Variants in CECR2 observed in about 807,000 individuals in gnomAD.
CECR2 encodes CECR2 histone acetyl-lysine reader.
CECR2 carries 30 observed loss-of-function variants against 154.5 expected under a neutral mutation model. That is an observed-to-expected ratio of 0.19 (90% CI 0.15 to 0.26). The LOEUF (loss-of-function observed/expected upper bound fraction) is 0.26. CECR2 is among the 10% of genes least tolerant of loss of function. The pLI is 1.00. For missense variants in CECR2, 1,743 were observed against 1,829.3 expected, an observed-to-expected ratio of 0.95 and a Z score of 0.86; for synonymous variants, 725 against 683.7, an observed-to-expected ratio of 1.06 and a Z score of -0.94.
At chr22:17,519,684 G>T (rs540977756) in intron 8 of CECR2, among the ~76,000 whole-genome samples, 1 of 152,002 alleles carries the variant, frequency 6.6e-6, no homozygotes, top group East Asian at 1.9e-4. Flanking sequence ...TACAGAAAAA[G>T]AATTATATAT....
intron 8 of CECR2, among the ~76,000 whole-genome samples, chr22:17,522,068 G>C (rs1308889539): frequency 6.6e-6 from 1 of 152,148 alleles, no homozygotes; most frequent in Non-Finnish European, 1.5e-5. Flanking sequence ...TTGTAGATGT[G>C]TGGTGTTATT....
intron 1 of CECR2, among the ~76,000 whole-genome samples, chr22:17,420,828 C>CT: frequency 6.6e-6 from 1 of 152,040 alleles, no homozygotes; most frequent in South Asian, 2.1e-4. Flanking sequence ...TAAATAAACT[C>CT]TTAATTTCTC....
chr22:17,371,820 T>A (rs754194994), intron 1 of CECR2, among the ~76,000 whole-genome samples: 17 of 152,224 alleles, frequency 1.1e-4, no homozygotes, highest in Admixed American at 2.0e-4. Flanking sequence ...ATTCCCATTT[T>A]GTTGATGAAA....
intron 1 of CECR2, among the ~76,000 whole-genome samples, chr22:17,361,663 C>T (rs959553571): frequency 4.0e-5 from 6 of 151,220 alleles, no homozygotes; most frequent in African/African-American, 9.7e-5. Context: ...CACTTGAACC[C>T]GGGGGCTGGG....
intron 1 of CECR2, among the ~76,000 whole-genome samples, chr22:17,407,300 C>T (rs569015039): frequency 6.6e-6 from 1 of 152,194 alleles, no homozygotes; most frequent in Non-Finnish European, 1.5e-5. Flanking sequence ...CCGTACTGGG[C>T]TATAATTGAA....
chr22:17,464,011 A>C (rs2146743669), intron 1 of CECR2, among the ~76,000 whole-genome samples: 1 of 152,338 alleles, frequency 6.6e-6, no homozygotes, highest in South Asian at 2.1e-4. Flanking sequence ...GAATCAACTT[A>C]AATGCTGCTT....
intron 1 of CECR2, among the ~76,000 whole-genome samples, chr22:17,406,693 A>G (rs552290064): frequency 7.0e-4 from 106 of 152,338 alleles, no homozygotes; most frequent in Non-Finnish European, 5.9e-4. Context: ...TGAGTCTGGA[A>G]ATCCTGCCAG....
chr22:17,382,978 A>G (rs1022977917), intron 1 of CECR2, among the ~76,000 whole-genome samples: 5 of 152,150 alleles, frequency 3.3e-5, no homozygotes, highest in African/African-American at 1.2e-4. Context: ...CTGTAATCCC[A>G]CCACTTTGGG....
intron 6 of CECR2, among the ~76,000 whole-genome samples, chr22:17,503,796 C>T (rs577426050): frequency 6.6e-6 from 1 of 152,210 alleles, no homozygotes; most frequent in South Asian, 2.1e-4. Flanking sequence ...CCTGTAATCC[C>T]AGCACTTTGG....
At chr22:17,469,732 G>A (rs1371115497) in intron 1 of CECR2, among the ~76,000 whole-genome samples, 2 of 151,154 alleles carry the variant, frequency 1.3e-5, no homozygotes, top group South Asian at 2.1e-4. Context: ...TCATTCACAC[G>A]TTCACCTTAG....
chr22:17,494,754 G>A (rs1209437308), intron 2 of CECR2, among the ~76,000 whole-genome samples: 5 of 152,256 alleles, frequency 3.3e-5, no homozygotes, highest in African/African-American at 1.2e-4. Context: ...CAGTGCAGGG[G>A]CACAATCTCG....
chr22:17,467,634 T>C (rs945478116), intron 1 of CECR2, among the ~76,000 whole-genome samples: 3 of 151,864 alleles, frequency 2.0e-5, no homozygotes, highest in African/African-American at 7.3e-5. Flanking sequence ...ATACAAAAAT[T>C]AGTCGGGCAT....
intron 8 of CECR2, among the ~76,000 whole-genome samples, chr22:17,517,299 C>G (rs1369446249): frequency 6.6e-6 from 1 of 152,252 alleles, no homozygotes; most frequent in East Asian, 1.9e-4. Context: ...CACCTTCCGC[C>G]ACGATTATAA....
chr22:17,534,267 A>C (rs1200758082), intron 9 of CECR2, among the ~76,000 whole-genome samples: 1 of 152,124 alleles, frequency 6.6e-6, no homozygotes, highest in African/African-American at 2.4e-5. Context: ...TCAAGGTTGC[A>C]GTGACCTATG....
intron 1 of CECR2, among the ~76,000 whole-genome samples, chr22:17,437,083 C>T (rs1319901733): frequency 6.6e-6 from 1 of 152,116 alleles, no homozygotes. Flanking sequence ...AGTCTGATGA[C>T]TGCAGCTCTC....
chr22:17,447,215 T>C (rs2054685774), intron 1 of CECR2, among the ~76,000 whole-genome samples: 1 of 150,536 alleles, frequency 6.6e-6, no homozygotes, highest in African/African-American at 2.5e-5. Flanking sequence ...TTTGTGTTTT[T>C]TAGTAGACGG....
At chr22:17,519,946 G>A (rs975205021) in intron 8 of CECR2, among the ~76,000 whole-genome samples, 4 of 151,696 alleles carry the variant, frequency 2.6e-5, no homozygotes, top group East Asian at 1.9e-4. Context: ...ACACACCACC[G>A]TGCCCAGCTA....
intron 5 of CECR2, among the ~76,000 whole-genome samples, chr22:17,502,274 G>C (rs778734942): frequency 2.0e-5 from 3 of 152,068 alleles, no homozygotes; most frequent in Non-Finnish European, 4.4e-5. Flanking sequence ...TTCCCCCTTC[G>C]GAGCCCATGC....
At chr22:17,414,186 A>C (rs555888215) in intron 1 of CECR2, among the ~76,000 whole-genome samples, 15 of 151,260 alleles carry the variant, frequency 9.9e-5, no homozygotes, top group Non-Finnish European at 1.8e-4. Flanking sequence ...GTTAGCCAGG[A>C]TGGTCTCGAT....
Sources: allele counts gnomAD v4.1 joint callset (sites outside exome capture counted in the v4.1 genomes callset), GRCh38; gene constraint gnomAD v4.1.1; transcripts MANE v1.5; gene names NCBI Gene and HGNC (gene_info 2026-07-23, HGNC 2026-07-21).